Variants in ITPR1 observed in about 807,000 individuals in gnomAD.
ITPR1 encodes inositol 1,4,5-trisphosphate-gated calcium channel ITPR1.
Under a neutral mutation model 318.4 loss-of-function variants are expected in ITPR1, and 96 were observed. The observed-to-expected ratio is 0.30, with a 90% CI of 0.26 to 0.36. ITPR1 has a LOEUF of 0.36. ITPR1 is among the 10% of genes least tolerant of loss of function. ITPR1 has a pLI of 1.00. For synonymous variants in ITPR1, 1,312 were observed against 1,289.9 expected (o/e 1.02, Z -0.37); for missense variants, 2,440 against 3,460.2 (o/e 0.71, Z 7.40).
Position 4,493,429 on chromosome 3 carries a change from T to G in ITPR1, c.-269T>G, listed in dbSNP as rs568628916. The G allele has an allele frequency of 6.5e-6, 1 of 154,128 alleles. No homozygotes were observed. Among genetic ancestry groups the G allele is most frequent in the Non-Finnish European group, 1.5e-5 (1 of 68,570 alleles). The allele number at this position is 154,128 out of a possible 1,614,324, so 9.5% of individuals were successfully genotyped here. On this transcript the variant is annotated 5_prime_UTR_variant, in exon 1 of 62. Coordinates refer to ENST00000649015, the MANE Select transcript of ITPR1 (RefSeq NM_001378452.1). ...GGAGAGGAGGAGGAGGAGGTGGTGG[T>G]GGAGGAGGAGGCAGGGGGTGGAGAG...
At chr3:4,624,663 C>T (rs1482327638) in intron 4 of ITPR1, among the ~76,000 whole-genome samples, 1 of 116,982 alleles carries the variant, frequency 8.5e-6, no homozygotes, top group African/African-American at 3.7e-5. Context: ...GAGCCAGGCT[C>T]TGTCTCCAAA....
intron 4 of ITPR1, among the ~76,000 whole-genome samples, chr3:4,570,490 C>A (rs887454953): frequency 6.6e-6 from 1 of 152,212 alleles, no homozygotes; most frequent in Non-Finnish European, 1.5e-5. Flanking sequence ...AAGACTGTTT[C>A]TTAAAAGAAA....
chr3:4,612,895 C>G (rs560974296), intron 4 of ITPR1, among the ~76,000 whole-genome samples: 10 of 152,184 alleles, frequency 6.6e-5, no homozygotes, highest in Admixed American at 5.9e-4. Context: ...TCAAAACAAA[C>G]AAAAGTAACA....
intron 4 of ITPR1, among the ~76,000 whole-genome samples, chr3:4,523,431 T>TTA (rs771906294): frequency 0.29 from 3,822 of 13,100 alleles, 193 homozygotes; most frequent in African/African-American, 0.42. Context: ...ATGCTTATTA[T>TTA]TTTTTTTGGT....
At chr3:4,607,450 C>G (rs928119921) in intron 4 of ITPR1, among the ~76,000 whole-genome samples, 2 of 152,144 alleles carry the variant, frequency 1.3e-5, no homozygotes, top group African/African-American at 2.4e-5. Context: ...ATAAAGTCCC[C>G]TTATAAACCA....
chr3:4,563,859 A>T (rs1317140126), intron 4 of ITPR1, among the ~76,000 whole-genome samples: 1 of 151,986 alleles, frequency 6.6e-6, no homozygotes, highest in East Asian at 1.9e-4. Flanking sequence ...TTGCTGCAAC[A>T]AAGCACCACA....
chr3:4,595,995 T>C (rs2125074201), intron 4 of ITPR1: 1 of 152,324 alleles, frequency 6.6e-6, no homozygotes, highest in South Asian at 2.1e-4. Flanking sequence ...ATGAAGGTGA[T>C]ACCAGAAATG....
chr3:4,829,745 T>C (rs1039032692), intron 60 of ITPR1, among the ~76,000 whole-genome samples: 20 of 152,262 alleles, frequency 1.3e-4, no homozygotes, highest in Admixed American at 3.3e-4. Flanking sequence ...ACTTTTCATG[T>C]TGTGCATTCT....
chr3:4,544,437 G>C (rs1291320558), intron 4 of ITPR1, among the ~76,000 whole-genome samples: 1 of 152,204 alleles, frequency 6.6e-6, no homozygotes, highest in African/African-American at 2.4e-5. Flanking sequence ...TTCACCTGAT[G>C]CCAGTATTCA....
At chr3:4,789,350 T>C (rs2047405793) in intron 52 of ITPR1, among the ~76,000 whole-genome samples, 1 of 152,178 alleles carries the variant, frequency 6.6e-6, no homozygotes, top group East Asian at 1.9e-4. Context: ...CCTCATAGCC[T>C]ACTGTAGATT....
chr3:4,738,918 G>A (rs149970203), intron 44 of ITPR1, among the ~76,000 whole-genome samples: 148 of 151,912 alleles, frequency 9.7e-4, no homozygotes, highest in African/African-American at 3.1e-3. Context: ...GTGGCCGCAC[G>A]CACATGCTGT....
intron 48 of ITPR1, among the ~76,000 whole-genome samples, chr3:4,777,985 G>A (rs370673963): frequency 1.8e-3 from 268 of 152,336 alleles, no homozygotes; most frequent in African/African-American, 6.2e-3. Context: ...GACTGCAGGT[G>A]ACTGATGTGG....
At chr3:4,795,515 A>G (rs1390023280) in intron 53 of ITPR1, among the ~76,000 whole-genome samples, 1 of 152,260 alleles carries the variant, frequency 6.6e-6, no homozygotes, top group East Asian at 1.9e-4. Context: ...GGCCAAAGTC[A>G]CATAGCTAAC....
intron 4 of ITPR1, among the ~76,000 whole-genome samples, chr3:4,532,252 C>T (rs137926642): frequency 6.6e-6 from 1 of 152,310 alleles, no homozygotes; most frequent in Non-Finnish European, 1.5e-5. Flanking sequence ...ACCTCTAAGG[C>T]ATTGCTTCTG....
chr3:4,590,150 C>G (rs972198635), intron 4 of ITPR1, among the ~76,000 whole-genome samples: 7 of 151,672 alleles, frequency 4.6e-5, no homozygotes, highest in Non-Finnish European at 7.4e-5. Flanking sequence ...CTGCTTCCCC[C>G]CTTTGTGTCT....
intron 50 of ITPR1, among the ~76,000 whole-genome samples, chr3:4,783,432 C>A (rs771914228): frequency 6.6e-6 from 1 of 152,234 alleles, no homozygotes; most frequent in East Asian, 1.9e-4. Flanking sequence ...CCTGTTACCA[C>A]CCACTGGTTA....
intron 30 of ITPR1, among the ~76,000 whole-genome samples, chr3:4,685,464 T>A (rs538348785): frequency 5.3e-5 from 8 of 152,366 alleles, no homozygotes; most frequent in African/African-American, 1.7e-4. Context: ...TCCCAAGACA[T>A]ATTGGATAGA....
intron 6 of ITPR1, 35 bp from the exon 7 acceptor site, chr3:4,642,058 C>G: frequency 2.0e-6 from 3 of 1,509,468 alleles, no homozygotes; most frequent in Non-Finnish European, 2.7e-6. Context: ...TTCAGATTTG[C>G]TGACACTCAC....
chr3:4,574,088 A>G (rs979862907), intron 4 of ITPR1, among the ~76,000 whole-genome samples: 2 of 152,232 alleles, frequency 1.3e-5, no homozygotes, highest in Non-Finnish European at 2.9e-5. Flanking sequence ...GTGGTTGCCC[A>G]GGAAAATGCT....
Sources: allele counts gnomAD v4.1 joint callset (sites outside exome capture counted in the v4.1 genomes callset), GRCh38; gene constraint gnomAD v4.1.1; transcripts MANE v1.5; gene names NCBI Gene and HGNC (gene_info 2026-07-23, HGNC 2026-07-21).